Variants in CLPP observed in about 807,000 individuals in gnomAD.
CLPP encodes ATP-dependent Clp protease proteolytic subunit, mitochondrial.
A neutral mutation model predicts 27.4 loss-of-function variants in CLPP; 14 were observed. The ratio of observed to expected loss-of-function variants is 0.51; its 90% CI spans 0.34 to 0.80. CLPP has a LOEUF of 0.80. CLPP is among the 30% of genes least tolerant of loss of function. The pLI is 0.02. For missense variants in CLPP, 361 were observed against 403.6 expected, an observed-to-expected ratio of 0.89 and a Z score of 0.90; for synonymous variants, 193 against 166.6, an observed-to-expected ratio of 1.16 and a Z score of -1.22.
intron 5 of CLPP, among the ~76,000 whole-genome samples, chr19:6,366,861 G>A (rs2091865019): frequency 6.6e-6 from 1 of 151,814 alleles, no homozygotes; most frequent in South Asian, 2.1e-4. Flanking sequence ...AAACTCGTGA[G>A]CTCAAGTGAT....
At chr19:6,366,711 T>G (rs926511704) in intron 5 of CLPP, among the ~76,000 whole-genome samples, 1 of 152,016 alleles carries the variant, frequency 6.6e-6, no homozygotes, top group Non-Finnish European at 1.5e-5. Context: ...TGATCTCGGC[T>G]CATTGCAACC....
intron 3 of CLPP, among the ~76,000 whole-genome samples, chr19:6,362,853 T>C (rs2145049289): frequency 6.6e-6 from 1 of 152,166 alleles, no homozygotes; most frequent in Non-Finnish European, 1.5e-5. Flanking sequence ...TTTGGGAGGC[T>C]GAGGCGGGCG....
chr19:6,368,697 C>T lies in CLPP; in HGVS notation c.821C>T (p.Pro274Leu). The part of the protein sequence containing the change: ...VEAAPAAEPV[P>L]AST ...GCAGCGCCGGCAGCAGAACCTGTCC[C>T]AGCTAGCACCTGAGAGCTGGGCCTC... The change falls in exon 6 of 6, where the codon CCA (proline) becomes CTA (leucine). Residue 274 changes from proline to leucine, a missense_variant. By Grantham distance (98) the Pro-to-Leu change is moderately conservative. Around this residue, in one of 2 missense-constraint regions of CLPP, gnomAD observed 213 missense variants for 280.9 expected, o/e 0.76. Coordinates refer to ENST00000245816, the MANE Select transcript of CLPP (RefSeq NM_006012.4). The T allele has an allele frequency of 6.4e-7, 1 of 1,553,456 alleles. No individual in the cohort carries two copies. Among genetic ancestry groups the T allele is most frequent in the Non-Finnish European group, 8.7e-7 (1 of 1,148,634 alleles).
chr19:6,370,237 A>T lies in CLPP; in HGVS notation c.*1527A>T, dbSNP rs2091881421. On this transcript the variant is annotated 3_prime_UTR_variant, in exon 6 of 6. Coordinates refer to ENST00000245816, the MANE Select transcript of CLPP (RefSeq NM_006012.4). Reference sequence around the variant, plus strand: ...AGGTTGAAATAAAAACGTAGGTGTCATCGGCCGGGCGCGGTGGCTCACGCC... The same window carrying T: ...AGGTTGAAATAAAAACGTAGGTGTCTTCGGCCGGGCGCGGTGGCTCACGCC... Among the ~76,000 whole-genome samples, 1 of 152,224 alleles carries T rather than the reference A, an allele frequency of 6.6e-6. No homozygotes were observed. Among genetic ancestry groups the T allele is most frequent in the Non-Finnish European group, 1.5e-5 (1 of 68,040 alleles).
At position 6,368,950 on chromosome 19, in the gene CLPP, A is replaced by AC. The variant is rs750383054; in HGVS notation, c.*241dup. ...CCTTCTGCACCATGACAGCGTGTACACATCTGTGTTTCACAGGCCCCTTCT... is the reference window on the plus strand; with the variant it reads ...CCTTCTGCACCATGACAGCGTGTACACCATCTGTGTTTCACAGGCCCCTTCT... On this transcript the variant is annotated 3_prime_UTR_variant, in exon 6 of 6. Coordinates refer to ENST00000245816, the MANE Select transcript of CLPP (RefSeq NM_006012.4). 1.7e-5 allele frequency: 9 copies of AC among 528,030 alleles called. No individual in the cohort carries two copies. The highest frequency in any genetic ancestry group is 3.0e-5 in the Non-Finnish European group (9 of 297,206). The allele number at this position is 528,030 out of a possible 1,614,324, so 32.7% of individuals were successfully genotyped here. A position where few individuals can be genotyped will look rare whatever the true frequency, so the allele number is the denominator to read the frequency against.
At chr19:6,367,363 A>G (rs1471950683) in intron 5 of CLPP, among the ~76,000 whole-genome samples, 2 of 146,766 alleles carry the variant, frequency 1.4e-5, no homozygotes, top group African/African-American at 5.0e-5. Flanking sequence ...TGACAAAGTG[A>G]GACCCTGTCT....
At chr19:6,364,729 A>ATT in intron 4 of CLPP, 90 bp downstream of exon 4, 5 of 946,228 alleles carry the variant, frequency 5.3e-6, no homozygotes, top group Non-Finnish European at 7.5e-6. Context: ...GTGGGAGGGG[A>ATT]TGTTTTTTTT....
At position 6,361,937 on chromosome 19, in the gene CLPP, C is replaced by T. The variant is rs759903087; in HGVS notation, c.267C>T (p.Gly89=). The change falls in exon 2 of 6, where the codon GGC becomes GGT. Residue 89 remains glycine (G), a synonymous_variant. Coordinates refer to ENST00000245816, the MANE Select transcript of CLPP (RefSeq NM_006012.4). ...GGGAGCGCATCGTGTGCGTCATGGGCCCGGTGAGCGCCCCGCGCCGGGACC... is the reference window on the plus strand; with the variant it reads ...GGGAGCGCATCGTGTGCGTCATGGGTCCGGTGAGCGCCCCGCGCCGGGACC... ...LLRERIVCVM[G]PIDDSVASLV... 3.1e-6 allele frequency: 5 copies of T among 1,596,978 alleles called. No individual in the cohort carries two copies. The African/African-American group carries it at 6.7e-5, about 21-fold the overall frequency.
At position 6,364,510 on chromosome 19, in the gene CLPP, G is replaced by A. The variant is rs771153538; in HGVS notation, c.426G>A (p.Pro142=). The A allele has an allele frequency of 5.0e-6, 8 of 1,612,072 alleles. No individual in the cohort carries two copies. Among genetic ancestry groups the A allele is most frequent in the African/African-American group, 2.7e-5 (2 of 74,778 alleles). Reference sequence around the variant, plus strand: ...ACACGATGCAGTACATCCTCAACCCGATCTGCACCTGGTGCGTGGGCCAGG... The same window carrying A: ...ACACGATGCAGTACATCCTCAACCCAATCTGCACCTGGTGCGTGGGCCAGG... ...IYDTMQYILN[P]ICTWCVGQAA... The change falls in exon 4 of 6, where the codon CCG becomes CCA. Residue 142 remains proline, a synonymous_variant. Coordinates refer to ENST00000245816, the MANE Select transcript of CLPP (RefSeq NM_006012.4).
chr19:6,369,477 G>C lies in CLPP; in HGVS notation c.*767G>C, dbSNP rs2091878221. ...CAAGTGTGAGGGTAAGCGTGTTACAGTTTTTTATGGGGTAATCAGGGAAGC... is the reference window on the plus strand; with the variant it reads ...CAAGTGTGAGGGTAAGCGTGTTACACTTTTTTATGGGGTAATCAGGGAAGC... On this transcript the variant is annotated 3_prime_UTR_variant, in exon 6 of 6. Transcript: ENST00000245816. Among the ~76,000 whole-genome samples the C allele has an allele frequency of 6.6e-6, 1 of 151,664 alleles. No homozygotes were observed. The highest frequency in any genetic ancestry group is 1.5e-5 in the Non-Finnish European group (1 of 67,982).
chr19:6,367,249 C>T (rs2091867156), intron 5 of CLPP, among the ~76,000 whole-genome samples: 5 of 151,730 alleles, frequency 3.3e-5, no homozygotes, highest in Admixed American at 3.3e-4. Flanking sequence ...TTGGCACACG[C>T]CTGTAATCCC....
At position 6,369,218 on chromosome 19, in the gene CLPP, C is replaced by T. The variant is rs113160500; in HGVS notation, c.*508C>T. On this transcript the variant is annotated 3_prime_UTR_variant, in exon 6 of 6. Coordinates refer to ENST00000245816, the MANE Select transcript of CLPP (RefSeq NM_006012.4). ...CAGGCGGATCATGAGGTCAGGAGATCGAGAACATCCTGGCTAACATGGTGA... is the reference window on the plus strand; with the variant it reads ...CAGGCGGATCATGAGGTCAGGAGATTGAGAACATCCTGGCTAACATGGTGA... Among the ~76,000 whole-genome samples the T allele has an allele frequency of 5.9e-5, 9 of 152,132 alleles. No homozygotes were observed. The highest frequency in any genetic ancestry group is 3.9e-4 in the East Asian group (2 of 5,176).
chr19:6,366,581 G>C (rs1348532329), intron 5 of CLPP, among the ~76,000 whole-genome samples: 1 of 152,094 alleles, frequency 6.6e-6, no homozygotes, highest in African/African-American at 2.4e-5. Context: ...TACTCGGGAG[G>C]CTGAGGCAGG....
At chr19:6,361,971 G>A (rs745986515) in intron 2 of CLPP, 31 bp downstream of exon 2, 1 of 1,589,596 alleles carries the variant, frequency 6.3e-7, no homozygotes. Flanking sequence ...CCCTCCCCAG[G>A]ACTCTCCCAA....
At position 6,361,865 on chromosome 19, in the gene CLPP, C is replaced by T. The variant is rs755366480; in HGVS notation, c.199-4C>T. ...GCCCCTCACCTCCATCTTTCTACCCCCAGGGTCGCGGCGAGCGCGCCTATG... is the reference window on the plus strand; with the variant it reads ...GCCCCTCACCTCCATCTTTCTACCCTCAGGGTCGCGGCGAGCGCGCCTATG... On this transcript the variant is annotated splice_polypyrimidine_tract_variant and splice_region_variant and intron_variant, in intron 1 of 5. Coordinates refer to ENST00000245816, the MANE Select transcript of CLPP (RefSeq NM_006012.4). 3 of 1,597,862 alleles carry T rather than the reference C, an allele frequency of 1.9e-6. No individual in the cohort carries two copies. The highest frequency in any genetic ancestry group is 1.3e-5 in the African/African-American group (1 of 74,968).
Position 6,368,545 on chromosome 19 carries a change from C to T in CLPP, c.669C>T (p.Ala223=). ...CTCCTGCTTCCCCACCAGAGTCCGC[C>T]ATGGAGAGGGACCGCTACATGAGCC... ...TKQSLQVIES[A]MERDRYMSPM... The change falls in exon 6 of 6, where the codon GCC becomes GCT. Residue 223 remains alanine (A), a synonymous_variant. Coordinates refer to ENST00000245816, the MANE Select transcript of CLPP (RefSeq NM_006012.4). 2.5e-6 allele frequency: 4 copies of T among 1,614,132 alleles called. No homozygotes were observed. The highest frequency in any genetic ancestry group is 1.6e-4 in the Middle Eastern group (1 of 6,062).
intron 5 of CLPP, among the ~76,000 whole-genome samples, chr19:6,368,179 A>C (rs2091871642): frequency 6.6e-6 from 1 of 152,176 alleles, no homozygotes; most frequent in Non-Finnish European, 1.5e-5. Context: ...TATGTCTCAC[A>C]GTTCTGGGGG....
At position 6,368,956 on chromosome 19, in the gene CLPP, G is replaced by GT; in HGVS notation, c.*247dup. On this transcript the variant is annotated 3_prime_UTR_variant, in exon 6 of 6. Transcript: ENST00000245816. Reference sequence around the variant, plus strand: ...GCACCATGACAGCGTGTACACATCTGTGTTTCACAGGCCCCTTCTGCTTTT... The same window carrying GT: ...GCACCATGACAGCGTGTACACATCTGTTGTTTCACAGGCCCCTTCTGCTTTT... The GT allele has an allele frequency of 2.0e-6, 1 of 511,228 alleles. No individual in the cohort carries two copies. The highest frequency in any genetic ancestry group is 3.5e-6 in the Non-Finnish European group (1 of 287,678). The allele number at this position is 511,228 out of a possible 1,614,324, so 31.7% of individuals were successfully genotyped here. A position where few individuals can be genotyped will look rare whatever the true frequency, so the allele number is the denominator to read the frequency against.
At chr19:6,362,229 T>A in intron 2 of CLPP, 1 of 597,242 alleles carries the variant, frequency 1.7e-6, no homozygotes, top group Non-Finnish European at 3.0e-6. Flanking sequence ...TCCTTTCCTG[T>A]GTCCCTAGCC....
Sources: allele counts gnomAD v4.1 joint callset (sites outside exome capture counted in the v4.1 genomes callset), GRCh38; gene constraint gnomAD v4.1.1; regional missense constraint gnomAD v4.1.1; transcripts MANE v1.5; gene names NCBI Gene and HGNC (gene_info 2026-07-23, HGNC 2026-07-21).